FMN2: variants seen among roughly 807,000 people sequenced by gnomAD.
FMN2 encodes the protein formin-2.
Under a neutral mutation model 142.3 loss-of-function variants are expected in FMN2, and 51 were observed. That is an observed-to-expected ratio of 0.36 (90% CI 0.29 to 0.45). The LOEUF (loss-of-function observed/expected upper bound fraction) is 0.45, where lower values mean the gene tolerates loss of function less well. Ranked by LOEUF, FMN2 falls within the 20% of genes least tolerant of loss-of-function variation. The probability of loss-of-function intolerance (pLI) is 1.00; values close to 1 mark genes in which losing one functional copy is unlikely to be tolerated. For synonymous variants in FMN2, 882 were observed against 869.8 expected, an observed-to-expected ratio of 1.01 and a Z score of -0.25; for missense variants, 1,936 against 2,122.8, an observed-to-expected ratio of 0.91 and a Z score of 1.73.
chr1:240,340,972 T>C (rs1671723647), intron 13 of FMN2, among the ~76,000 whole-genome samples: 1 of 152,190 alleles, frequency 6.6e-6, no homozygotes, highest in Admixed American at 6.5e-5. Flanking sequence ...TAGATGTACA[T>C]TGGTCTAATC....
intron 2 of FMN2, among the ~76,000 whole-genome samples, chr1:240,133,923 C>T (rs1662838285): frequency 6.6e-6 from 1 of 152,106 alleles, no homozygotes; most frequent in Admixed American, 6.6e-5. Flanking sequence ...GACAGATCTC[C>T]CCAGAGTAGT....
chr1:240,287,924 C>G (rs1379434762), intron 7 of FMN2, among the ~76,000 whole-genome samples: 1 of 152,094 alleles, frequency 6.6e-6, no homozygotes, highest in African/African-American at 2.4e-5. Flanking sequence ...CCTTCCAGTG[C>G]CATCAGGTGG....
intron 2 of FMN2, among the ~76,000 whole-genome samples, chr1:240,128,169 G>T (rs1258773432): frequency 6.6e-6 from 1 of 152,176 alleles, no homozygotes; most frequent in Non-Finnish European, 1.5e-5. Context: ...TTGTTGACTT[G>T]TAGATCATGG....
chr1:240,294,906 T>C, intron 8 of FMN2, 23 bp downstream of exon 8: 4 of 1,598,330 alleles, frequency 2.5e-6, no homozygotes, highest in Non-Finnish European at 3.4e-6. Context: ...AGGAATTTTA[T>C]GTGTGAGTAT....
chr1:240,290,742 G>A (rs1283514475), intron 7 of FMN2, among the ~76,000 whole-genome samples: 1 of 129,852 alleles, frequency 7.7e-6, no homozygotes, highest in Non-Finnish European at 1.6e-5. Flanking sequence ...GACAAGAATT[G>A]TTGTCTATTT....
chr1:240,442,184 C>T (rs1022004093), intron 16 of FMN2, among the ~76,000 whole-genome samples: 5 of 152,180 alleles, frequency 3.3e-5, no homozygotes, highest in Non-Finnish European at 7.3e-5. Context: ...CAACCCACCA[C>T]CCCTCTGTAG....
chr1:240,414,425 G>A lies in FMN2; in HGVS notation c.4910+21863G>A, dbSNP rs527552301. Among the ~76,000 whole-genome samples, 62 of 152,308 alleles carry A rather than the reference G, an allele frequency of 4.1e-4. 1 individual carries two copies. Among genetic ancestry groups the A allele is most frequent in the Admixed American group, 4.1e-3 (62 of 15,302 alleles). ...GCACAGAGCCGAGAATGGAATTCAG[G>A]CCTTCGTGAAAGCTGAATGCTTTGT... On this transcript the variant is annotated intron_variant, in intron 15 of 17. Transcript: ENST00000319653.
intron 3 of FMN2, among the ~76,000 whole-genome samples, chr1:240,181,563 G>A (rs999134072): frequency 1.3e-5 from 2 of 152,162 alleles, no homozygotes; most frequent in African/African-American, 2.4e-5. Context: ...CCAGTGAGTT[G>A]CAGATTCCTG....
At chr1:240,295,736 A>G (rs957333449) in intron 8 of FMN2, among the ~76,000 whole-genome samples, 1 of 152,204 alleles carries the variant, frequency 6.6e-6, no homozygotes, top group South Asian at 2.1e-4. Flanking sequence ...GAAAGTACAG[A>G]TATCTCTTCA....
intron 2 of FMN2, chr1:240,171,431 T>C (rs1457982613): frequency 2.2e-6 from 1 of 461,942 alleles, no homozygotes; most frequent in African/African-American, 2.0e-5. Context: ...ATCTCTGTAA[T>C]CAAGGCAAGG....
rs753738803 is a variant in FMN2 at position 240,257,970 on chromosome 1, G to C, written c.4091G>C (p.Arg1364Thr). Residue 1364 changes from arginine to threonine, a missense_variant, in exon 7 of 18, where the codon AGA becomes ACA. Physicochemically the swap from Arg to Thr is moderately conservative, Grantham distance 71 (BLOSUM62 -1). Around this residue, in one of 8 missense-constraint regions of FMN2, gnomAD observed 259 missense variants for 230.9 expected, o/e 1.12. Transcript: ENST00000319653. ...GTTGTCAAGTTATTAAGCAACAAAA[G>C]ATCACAAGCAGTTGGAATACTAATG... ...KQVVKLLSNK[R>T]SQAVGILMSS... 1.2e-6 allele frequency: 2 copies of C among 1,612,794 alleles called. No homozygotes were observed. The highest frequency in any genetic ancestry group is 1.3e-5 in the African/African-American group (1 of 75,000).
chr1:240,191,505 G>GTAA (rs1395412722), intron 4 of FMN2, among the ~76,000 whole-genome samples: 2 of 152,162 alleles, frequency 1.3e-5, no homozygotes, highest in African/African-American at 4.8e-5. Flanking sequence ...TTAATTTCAA[G>GTAA]TAATATGCTC....
intron 14 of FMN2, among the ~76,000 whole-genome samples, chr1:240,390,676 T>A (rs1159617682): frequency 2.0e-5 from 3 of 152,206 alleles, no homozygotes; most frequent in African/African-American, 7.2e-5. Context: ...AAGTTTCTAC[T>A]GATTATTGGA....
intron 16 of FMN2, among the ~76,000 whole-genome samples, chr1:240,461,085 CT>C (rs1233135342): frequency 6.6e-6 from 1 of 152,200 alleles, no homozygotes; most frequent in Non-Finnish European, 1.5e-5. Context: ...TCCTGCCTTG[CT>C]ATTTGCCTGC....
intron 16 of FMN2, among the ~76,000 whole-genome samples, chr1:240,468,235 T>TGTG (rs1676688764): frequency 9.9e-6 from 1 of 101,026 alleles, no homozygotes; most frequent in South Asian, 2.7e-4. Flanking sequence ...TGTGTGTGTA[T>TGTG]TCACACACAC....
chr1:240,434,473 G>A (rs1314960704), intron 15 of FMN2, among the ~76,000 whole-genome samples: 1 of 152,060 alleles, frequency 6.6e-6, no homozygotes, highest in Non-Finnish European at 1.5e-5. Flanking sequence ...AAATGCCTCT[G>A]GCATAAAAGA....
At chr1:240,349,379 T>C (rs972431696) in intron 13 of FMN2, among the ~76,000 whole-genome samples, 1 of 152,192 alleles carries the variant, frequency 6.6e-6, no homozygotes, top group African/African-American at 2.4e-5. Context: ...TTGCTGAGGC[T>C]GGTTTGTAGA....
chr1:240,184,763 G>T (rs1418424074), intron 3 of FMN2, among the ~76,000 whole-genome samples: 2 of 151,842 alleles, frequency 1.3e-5, no homozygotes, highest in African/African-American at 4.8e-5. Context: ...TGGGAGTCGG[G>T]AGTTCCGGGA....
chr1:240,258,758 C>T (rs916229483), intron 7 of FMN2, among the ~76,000 whole-genome samples: 1 of 152,168 alleles, frequency 6.6e-6, no homozygotes, highest in African/African-American at 2.4e-5. Flanking sequence ...CTGAGAGATA[C>T]TGCCCAAAGG....
Sources: gnomAD v4.1 joint callset for allele counts (sites outside exome capture counted in the v4.1 genomes callset) on GRCh38, gnomAD v4.1.1 for gene constraint, gnomAD v4.1.1 regional missense constraint, MANE v1.5 for transcripts, NCBI Gene and HGNC (gene_info 2026-07-23, HGNC 2026-07-21) for gene names.